Variants in SHISA6 observed in about 807,000 individuals in gnomAD.
SHISA6 encodes protein shisa-6.
SHISA6 carries 22 observed loss-of-function variants against 47.9 expected under a neutral mutation model. The observed-to-expected ratio is 0.46, with a 90% confidence interval of 0.33 to 0.66. The LOEUF is 0.66. Among genes scored for constraint, SHISA6 ranks in the 30% least tolerant of loss-of-function variants. The pLI is 0.02. For missense variants in SHISA6, 680 were observed against 764.6 expected (o/e 0.89, Z 1.30); for synonymous variants, 388 against 337.8 (o/e 1.15, Z -1.63).
chr17:11,276,125 G>C (rs1036983421), intron 2 of SHISA6, among the ~76,000 whole-genome samples: 5 of 151,922 alleles, frequency 3.3e-5, no homozygotes, highest in Non-Finnish European at 5.9e-5. Context: ...TTACAGGCTC[G>C]TGCCACCATG....
intron 3 of SHISA6, among the ~76,000 whole-genome samples, chr17:11,444,328 TAAAA>T (rs550336873): frequency 2.6e-5 from 4 of 151,162 alleles, no homozygotes; most frequent in Admixed American, 2.6e-4. Context: ...AAAATAAAAG[TAAAA>T]AAAAGAAAGA....
chr17:11,339,618 C>T (rs1048051020), intron 2 of SHISA6, among the ~76,000 whole-genome samples: 7 of 152,144 alleles, frequency 4.6e-5, no homozygotes, highest in East Asian at 1.9e-4. Flanking sequence ...AAAGCTGCCT[C>T]GACATGCCAC....
chr17:11,377,109 T>C (rs966646220), intron 2 of SHISA6, among the ~76,000 whole-genome samples: 12 of 152,230 alleles, frequency 7.9e-5, no homozygotes, highest in African/African-American at 2.7e-4. Flanking sequence ...GGTTTTTATG[T>C]AGCTTTTCAT....
chr17:11,369,256 T>C (rs988337350), intron 2 of SHISA6, among the ~76,000 whole-genome samples: 9 of 152,348 alleles, frequency 5.9e-5, no homozygotes, highest in African/African-American at 2.2e-4. Context: ...TTAGTCACTT[T>C]GTGACTTTGT....
intron 2 of SHISA6, among the ~76,000 whole-genome samples, chr17:11,345,349 A>G (rs1203012034): frequency 6.6e-6 from 1 of 152,122 alleles, no homozygotes; most frequent in African/African-American, 2.4e-5. Context: ...TTCTACTTTT[A>G]GATCTGTCTT....
intron 3 of SHISA6, among the ~76,000 whole-genome samples, chr17:11,515,361 GAA>G (rs2071577194): frequency 6.8e-6 from 1 of 146,044 alleles, no homozygotes; most frequent in African/African-American, 2.5e-5. Flanking sequence ...AGGAAGGAAG[GAA>G]GGGAGAGAAA....
At chr17:11,395,604 G>A (rs1051043065) in intron 3 of SHISA6, among the ~76,000 whole-genome samples, 46 of 143,682 alleles carry the variant, frequency 3.2e-4, no homozygotes, top group African/African-American at 9.6e-4. Context: ...TGCAAGCTCC[G>A]CCTCCCGGGT....
At chr17:11,433,828 T>C (rs973488844) in intron 3 of SHISA6, among the ~76,000 whole-genome samples, 5 of 152,184 alleles carry the variant, frequency 3.3e-5, no homozygotes, top group East Asian at 3.9e-4. Flanking sequence ...CCACTCAAGA[T>C]GCAAAGCCCC....
chr17:11,357,354 A>G (rs569215833), intron 2 of SHISA6, among the ~76,000 whole-genome samples: 33 of 152,288 alleles, frequency 2.2e-4, no homozygotes, highest in African/African-American at 6.0e-4. Flanking sequence ...CTCCCATCAA[A>G]ATGTACCCTA....
chr17:11,528,914 C>T (rs2071709770), intron 3 of SHISA6, among the ~76,000 whole-genome samples: 1 of 152,082 alleles, frequency 6.6e-6, no homozygotes, highest in Admixed American at 6.6e-5. Context: ...CTTAAATGGC[C>T]GGGCGTGGTG....
chr17:11,312,267 T>C (rs1405283672), intron 2 of SHISA6, among the ~76,000 whole-genome samples: 1 of 151,268 alleles, frequency 6.6e-6, no homozygotes, highest in Non-Finnish European at 1.5e-5. Flanking sequence ...TGTTGAGGGC[T>C]TAATTAATTT....
At chr17:11,472,782 T>C (rs919422449) in intron 3 of SHISA6, among the ~76,000 whole-genome samples, 8 of 152,210 alleles carry the variant, frequency 5.3e-5, no homozygotes, top group African/African-American at 1.9e-4. Flanking sequence ...CCATTTTGCA[T>C]TCCCACCAGC....
chr17:11,442,850 G>C (rs780346588), intron 3 of SHISA6, among the ~76,000 whole-genome samples: 1 of 152,108 alleles, frequency 6.6e-6, no homozygotes, highest in Non-Finnish European at 1.5e-5. Context: ...GGCCTTGGGC[G>C]TCCAGTTTAA....
At chr17:11,271,526 C>T (rs1476738424) in intron 2 of SHISA6, among the ~76,000 whole-genome samples, 1 of 151,848 alleles carries the variant, frequency 6.6e-6, no homozygotes, top group Non-Finnish European at 1.5e-5. Context: ...CTATCTCTGC[C>T]TCCCAGGTTC....
intron 4 of SHISA6, among the ~76,000 whole-genome samples, chr17:11,554,928 A>T (rs1467982530): frequency 6.6e-6 from 1 of 150,762 alleles, no homozygotes; most frequent in Admixed American, 6.6e-5. Context: ...TCTCCCTTTC[A>T]CCTTTTCTCC....
chr17:11,345,556 A>G (rs1474703901), intron 2 of SHISA6, among the ~76,000 whole-genome samples: 2 of 152,134 alleles, frequency 1.3e-5, no homozygotes, highest in Non-Finnish European at 1.5e-5. Context: ...CTGTAAATCA[A>G]TTTGGGGAAT....
At chr17:11,508,091 A>G (rs749628513) in intron 3 of SHISA6, among the ~76,000 whole-genome samples, 2 of 152,192 alleles carry the variant, frequency 1.3e-5, no homozygotes, top group Admixed American at 6.5e-5. Flanking sequence ...CTCTACTCCA[A>G]GGTTTTGGAG....
chr17:11,321,923 G>A (rs1910729629), intron 2 of SHISA6, among the ~76,000 whole-genome samples: 1 of 152,046 alleles, frequency 6.6e-6, no homozygotes, highest in Non-Finnish European at 1.5e-5. Context: ...TTTATGTGTG[G>A]CTCAAGACAA....
At chr17:11,455,097 A>T (rs1016122072) in intron 3 of SHISA6, among the ~76,000 whole-genome samples, 5 of 152,114 alleles carry the variant, frequency 3.3e-5, no homozygotes, top group African/African-American at 1.2e-4. Context: ...TGAACCCAGG[A>T]GGTGGAGCTT....
Sources: gnomAD v4.1 joint callset for allele counts (sites outside exome capture counted in the v4.1 genomes callset) on GRCh38, gnomAD v4.1.1 for gene constraint, MANE v1.5 for transcripts, NCBI Gene and HGNC (gene_info 2026-07-23, HGNC 2026-07-21) for gene names.